The following MINAR1 variants were observed in gnomAD, a reference collection of about 807,000 sequenced individuals.
The protein encoded by MINAR1 is major intrinsically disordered Notch2-binding receptor 1.
In MINAR1, 40 loss-of-function variants were observed where a neutral mutation model predicts 65.1. That is an observed-to-expected ratio of 0.61 (90% CI 0.48 to 0.80). The LOEUF is 0.80. Among genes scored for constraint, MINAR1 ranks in the 30% least tolerant of loss-of-function variants. The probability of loss-of-function intolerance (pLI) is 0.00; values close to 1 mark genes in which losing one functional copy is unlikely to be tolerated. For missense variants in MINAR1, 1,128 were observed against 1,148.0 expected (o/e 0.98, Z 0.25); for synonymous variants, 482 against 449.1 (o/e 1.07, Z -0.93).
At position 79,457,113 on chromosome 15, in the gene MINAR1, C is replaced by A; in HGVS notation, c.966C>A (p.Asp322Glu). The A allele has an allele frequency of 6.2e-7, 1 of 1,614,120 alleles. No individual in the cohort carries two copies. The highest frequency in any genetic ancestry group is 8.5e-7 in the Non-Finnish European group (1 of 1,180,026). The stretch of plus-strand genomic sequence containing the variant: ...ATCCAGTGTATTCCCCGGTTCCTGA[C>A]AAAAGGCGAGCAAAGCACGAAAGCT... ...YLNPVYSPVPDKRRAKHESLD... is the reference protein window; with the variant it reads ...YLNPVYSPVPEKRRAKHESLD... Residue 322 changes from aspartate (D) to glutamate (E), a missense_variant, in exon 2 of 4, where the codon GAC becomes GAA. Transcript: ENST00000305428.
At position 79,470,339 on chromosome 15, in the gene MINAR1, C is replaced by T. The variant is rs1896035214; in HGVS notation, c.*1955C>T. ...ACCCCTCAACCAGTAAGACTCTACA[C>T]CATATTGTAGCCCCACTATTCTCCT... On this transcript the variant is annotated 3_prime_UTR_variant, in exon 4 of 4. Coordinates refer to ENST00000305428, the MANE Select transcript of MINAR1 (RefSeq NM_015206.3). 1 of 152,506 alleles carries T rather than the reference C, an allele frequency of 6.6e-6. No homozygotes were observed. Among genetic ancestry groups the T allele is most frequent in the Middle Eastern group, 3.4e-3 (1 of 294 alleles). 9.4% of individuals were successfully genotyped at this position (152,506 alleles called of 1,614,324 possible).
chr15:79,464,414 T>A (rs1895766138), intron 3 of MINAR1, among the ~76,000 whole-genome samples: 1 of 152,224 alleles, frequency 6.6e-6, no homozygotes, highest in South Asian at 2.1e-4. Flanking sequence ...CCAGGCACAG[T>A]GGCCTGTGAG....
chr15:79,448,820 G>C (rs1001029072), intron 1 of MINAR1, among the ~76,000 whole-genome samples: 3 of 152,190 alleles, frequency 2.0e-5, no homozygotes, highest in African/African-American at 7.2e-5. Context: ...AATTCAGAGA[G>C]CTTGTCTTTT....
chr15:79,470,296 GCATTGCCTTTCCACCT>G lies in MINAR1; in HGVS notation c.*1913_*1928del, dbSNP rs1184233961. 6.6e-6 allele frequency: 1 copy of G among 152,436 alleles called. No homozygotes were observed. The highest frequency in any genetic ancestry group is 1.5e-5 in the Non-Finnish European group (1 of 68,018). 9.4% of individuals were successfully genotyped at this position (152,436 alleles called of 1,614,324 possible). A position where few individuals can be genotyped will look rare whatever the true frequency, so the allele number is the denominator to read the frequency against. On this transcript the variant is annotated 3_prime_UTR_variant, in exon 4 of 4. Transcript: ENST00000305428. ...AGAGACTACTAGGTTACCACTCTGG[GCATTGCCTTTCCACCT>G]AACCCCTCAACCAGTAAGACTCTAC...
intron 2 of MINAR1, among the ~76,000 whole-genome samples, chr15:79,462,542 C>G (rs1389068464): frequency 2.6e-5 from 4 of 152,226 alleles, no homozygotes. Context: ...TGCTTTCTGA[C>G]TCAGCTTCTT....
At chr15:79,426,366 A>C in the MINAR1 span, 1 of 152,244 alleles carries the variant, frequency 6.6e-6, no homozygotes, top group Non-Finnish European at 1.5e-5. Flanking sequence ...AGCCTCAGGC[A>C]AAAGCATTGG....
intron 2 of MINAR1, among the ~76,000 whole-genome samples, chr15:79,461,826 CACAT>C (rs1455022553): frequency 2.0e-5 from 3 of 151,744 alleles, no homozygotes; most frequent in African/African-American, 7.3e-5. Context: ...TCCACGTACA[CACAT>C]ACAAGTGTGC....
intron 1 of MINAR1, among the ~76,000 whole-genome samples, chr15:79,442,593 A>G (rs1400445221): frequency 3.6e-4 from 9 of 25,134 alleles, no homozygotes; most frequent in African/African-American, 1.2e-3. Context: ...CATAAAAATG[A>G]AAAAAAAAAA....
In MINAR1 at chr15:79,456,661, G is replaced by A; in HGVS notation, c.514G>A (p.Ala172Thr). Reference protein sequence around the residue: ...DCKDCPQFVPASEPNFLLGVS... With the variant: ...DCKDCPQFVPTSEPNFLLGVS... Reference sequence around the variant, plus strand: ...CAAGGACTGCCCACAGTTTGTCCCTGCCTCTGAGCCTAACTTCCTGTTGGG... The same window carrying A: ...CAAGGACTGCCCACAGTTTGTCCCTACCTCTGAGCCTAACTTCCTGTTGGG... The change falls in exon 2 of 4, where the codon GCC becomes ACC. Residue 172 changes from alanine (A) to threonine (T), a missense_variant. Ala to Thr is a moderately conservative substitution (Grantham distance 58). Transcript: ENST00000305428. 1 of 1,614,186 alleles carries A rather than the reference G, an allele frequency of 6.2e-7. No individual in the cohort carries two copies. Among genetic ancestry groups the A allele is most frequent in the Non-Finnish European group, 8.5e-7 (1 of 1,180,042 alleles).
chr15:79,458,886 C>T (rs959963556), intron 2 of MINAR1, among the ~76,000 whole-genome samples: 1 of 152,000 alleles, frequency 6.6e-6, no homozygotes, highest in Admixed American at 6.6e-5. Flanking sequence ...GTGTGATGTT[C>T]CTTTTTAAGT....
chr15:79,466,586 G>A (rs1369515428), intron 3 of MINAR1, among the ~76,000 whole-genome samples: 1 of 152,154 alleles, frequency 6.6e-6, no homozygotes, highest in African/African-American at 2.4e-5. Flanking sequence ...TAGTTCAAGG[G>A]TTGTACAAAG....
At chr15:79,461,537 G>A (rs535878414) in intron 2 of MINAR1, among the ~76,000 whole-genome samples, 2 of 152,334 alleles carry the variant, frequency 1.3e-5, no homozygotes, top group East Asian at 3.9e-4. Context: ...GCAAAAACTG[G>A]TGAAGTCTCT....
At chr15:79,453,165 C>G (rs1482327092) in intron 1 of MINAR1, among the ~76,000 whole-genome samples, 1 of 152,028 alleles carries the variant, frequency 6.6e-6, no homozygotes, top group Non-Finnish European at 1.5e-5. Flanking sequence ...TCCGTGCCCC[C>G]CTCTCTGAGC....
upstream of MINAR1, among the ~76,000 whole-genome samples, chr15:79,429,446 C>T (rs1260650469): frequency 6.6e-6 from 1 of 152,220 alleles, no homozygotes; most frequent in African/African-American, 2.4e-5. Flanking sequence ...GTTTCTTTTA[C>T]ACCACATTGG....
chr15:79,412,556 A>T, the MINAR1 span: 1 of 152,404 alleles, frequency 6.6e-6, no homozygotes, highest in African/African-American at 2.4e-5. Flanking sequence ...TCCCGCTCCC[A>T]TGCTAACACC....
chr15:79,449,385 A>C (rs930656295), intron 1 of MINAR1, among the ~76,000 whole-genome samples: 7 of 152,234 alleles, frequency 4.6e-5, no homozygotes, highest in African/African-American at 1.7e-4. Flanking sequence ...AACAGAATAC[A>C]TGAGACTAGG....
rs1894468097 is a variant in MINAR1, at chr15:79,432,421, GTGACCAGC to G, written c.-165_-158del. ...GCGGAATCCGGGCTGCCGGGTGACA[GTGACCAGC>G]TGACTCTGGAGCCTACCGGAGGCGC... is the stretch of plus-strand genomic sequence containing the variant. On this transcript the variant is annotated 5_prime_UTR_variant, in exon 1 of 4. Coordinates refer to ENST00000305428, the MANE Select transcript of MINAR1 (RefSeq NM_015206.3). 6.6e-6 allele frequency: 1 copy of G among 152,394 alleles called. No individual in the cohort carries two copies. The highest frequency in any genetic ancestry group is 6.5e-5 in the Admixed American group (1 of 15,290). The allele number at this position is 152,394 out of a possible 1,614,324, so 9.4% of individuals were successfully genotyped here. A position where few individuals can be genotyped will look rare whatever the true frequency, so the allele number is the denominator to read the frequency against.
At position 79,468,361 on chromosome 15, in the gene MINAR1, C is replaced by A; in HGVS notation, c.2728C>A (p.Pro910Thr). 1 of 1,613,950 alleles carries A rather than the reference C, an allele frequency of 6.2e-7. No homozygotes were observed. The highest frequency in any genetic ancestry group is 1.1e-5 in the South Asian group (1 of 91,016). The part of the protein sequence containing the change: ...ACTVILVIVV[P>T]ICTMKS ...CACCGTCATCCTCGTTATTGTCGTG[C>A]CCATCTGCACAATGAAATCATGAGC... The change falls in exon 4 of 4, where the codon CCC becomes ACC. Residue 910 changes from proline (P) to threonine (T), a missense_variant. Physicochemically the swap from Pro to Thr is conservative, Grantham distance 38. Transcript: ENST00000305428.
intron 1 of MINAR1, among the ~76,000 whole-genome samples, chr15:79,439,176 G>A (rs572010691): frequency 2.8e-5 from 1 of 35,380 alleles, no homozygotes; most frequent in African/African-American, 8.1e-5. Flanking sequence ...TGTGGGGTGG[G>A]TAGTGAGTGT....
Sources: gnomAD v4.1 joint callset for allele counts (sites outside exome capture counted in the v4.1 genomes callset) on GRCh38, gnomAD v4.1.1 for gene constraint, MANE v1.5 for transcripts, NCBI Gene and HGNC (gene_info 2026-07-23, HGNC 2026-07-21) for gene names.